The following TOP6BL variants were observed in gnomAD, a reference collection of about 807,000 sequenced individuals.
The protein encoded by TOP6BL is type 2 DNA topoisomerase 6 subunit B-like.
the TOP6BL span, among the ~76,000 whole-genome samples, chr11:66,793,324 C>G: frequency 6.6e-6 from 1 of 151,774 alleles, no homozygotes; most frequent in Non-Finnish European, 1.5e-5. Context: ...AACTCCTGAC[C>G]TCAAGTGATC....
chr11:66,775,477 C>T, the TOP6BL span, among the ~76,000 whole-genome samples: 3 of 152,144 alleles, frequency 2.0e-5, no homozygotes, highest in Non-Finnish European at 2.9e-5. Flanking sequence ...AAGGCTGGGT[C>T]ATGTAACTTG....
chr11:66,803,128 C>G, the TOP6BL span, among the ~76,000 whole-genome samples: 476 of 152,258 alleles, frequency 3.1e-3, 1 homozygote, highest in South Asian at 6.8e-3. Flanking sequence ...ACCTCTTCAG[C>G]GGAAGGTGTA....
the TOP6BL span, among the ~76,000 whole-genome samples, chr11:66,749,534 T>C: frequency 8.9e-3 from 1,353 of 152,274 alleles, 23 homozygotes; most frequent in African/African-American, 0.03. Flanking sequence ...CTCTTCTCTT[T>C]ATTGTCTCTG....
the TOP6BL span, chr11:66,843,013 G>A: frequency 2.3e-5 from 36 of 1,552,716 alleles, 1 homozygote; most frequent in African/African-American, 2.3e-4. Flanking sequence ...GGAGCACCGC[G>A]AGGCTCACGG....
At chr11:66,748,320 GTAT>G in the TOP6BL span, 7 of 1,330,798 alleles carry the variant, frequency 5.3e-6, no homozygotes, top group Non-Finnish European at 6.2e-6. Context: ...TCATAGAGAT[GTAT>G]TATTACTGTG....
chr11:66,748,431 G>C, the TOP6BL span: 3 of 1,548,148 alleles, frequency 1.9e-6, no homozygotes, highest in Non-Finnish European at 2.6e-6. Context: ...GTATCAAAGG[G>C]AGCATTGCTA....
chr11:66,829,986 C>T, the TOP6BL span, among the ~76,000 whole-genome samples: 1 of 152,162 alleles, frequency 6.6e-6, no homozygotes, highest in East Asian at 1.9e-4. Context: ...GAGATTTCAA[C>T]ATAATTCTCT....
chr11:66,789,120 A>AT, the TOP6BL span, among the ~76,000 whole-genome samples: 3 of 152,196 alleles, frequency 2.0e-5, no homozygotes, highest in Non-Finnish European at 4.4e-5. Context: ...GCTTTGGAAC[A>AT]TTTTTTAGAT....
chr11:66,837,531 A>G, the TOP6BL span, among the ~76,000 whole-genome samples: 4 of 140,944 alleles, frequency 2.8e-5, no homozygotes, highest in Non-Finnish European at 6.1e-5. Context: ...TGCAACATCC[A>G]CCTCCCAGGT....
the TOP6BL span, among the ~76,000 whole-genome samples, chr11:66,810,809 G>T: frequency 6.6e-6 from 1 of 152,020 alleles, no homozygotes; most frequent in Non-Finnish European, 1.5e-5. Flanking sequence ...ATAGTGATTT[G>T]GGGTCTTGAG....
the TOP6BL span, among the ~76,000 whole-genome samples, chr11:66,779,711 A>G: frequency 3.9e-5 from 6 of 152,192 alleles, no homozygotes; most frequent in African/African-American, 1.4e-4. Flanking sequence ...ACACACGCAC[A>G]TGTATGTTTA....
chr11:66,799,572 C>G, the TOP6BL span, among the ~76,000 whole-genome samples: 1 of 150,860 alleles, frequency 6.6e-6, no homozygotes, highest in African/African-American at 2.4e-5. Context: ...ATTAGCTGGG[C>G]ACAGTGGCGC....
At chr11:66,837,861 T>G in the TOP6BL span, among the ~76,000 whole-genome samples, 1 of 152,124 alleles carries the variant, frequency 6.6e-6, no homozygotes, top group Non-Finnish European at 1.5e-5. Flanking sequence ...CTGTCCAAAT[T>G]ATTGAACTAA....
the TOP6BL span, chr11:66,762,289 G>A: frequency 4.5e-6 from 2 of 444,076 alleles, no homozygotes; most frequent in South Asian, 4.5e-5. Flanking sequence ...CGGGCGCACA[G>A]CCGGGGCGCC....
chr11:66,778,823 C>T, the TOP6BL span, among the ~76,000 whole-genome samples: 1 of 152,060 alleles, frequency 6.6e-6, no homozygotes, highest in Admixed American at 6.6e-5. Flanking sequence ...AGATATAGAC[C>T]AATGGAACAG....
At chr11:66,748,871 C>CAA in the TOP6BL span, among the ~76,000 whole-genome samples, 326 of 56,170 alleles carry the variant, frequency 5.8e-3, no homozygotes, top group African/African-American at 0.019. Context: ...TTGGCAGTAG[C>CAA]AAAAAAAAAA....
chr11:66,820,781 A>G, the TOP6BL span, among the ~76,000 whole-genome samples: 1 of 152,200 alleles, frequency 6.6e-6, no homozygotes, highest in Non-Finnish European at 1.5e-5. Flanking sequence ...AGTACATGGT[A>G]TATATTTCTG....
chr11:66,745,966 A>G, the TOP6BL span, among the ~76,000 whole-genome samples: 47 of 152,176 alleles, frequency 3.1e-4, no homozygotes, highest in African/African-American at 1.1e-3. Context: ...GCACGCCGCT[A>G]CACCTGGCTC....
chr11:66,831,529 A>G, the TOP6BL span, among the ~76,000 whole-genome samples: 3 of 151,960 alleles, frequency 2.0e-5, no homozygotes, highest in South Asian at 4.2e-4. Context: ...TTGCACTTAC[A>G]TATAATTCTA....
Sources: allele counts gnomAD v4.1 joint callset (sites outside exome capture counted in the v4.1 genomes callset), GRCh38; gene constraint gnomAD v4.1.1; transcripts MANE v1.5; gene names NCBI Gene and HGNC (gene_info 2026-07-23, HGNC 2026-07-21).